TIMM50: variants seen among roughly 807,000 people sequenced by gnomAD.
The protein encoded by TIMM50 is translocase of inner mitochondrial membrane 50, also known as mitochondrial import inner membrane translocase subunit TIM50.
Under a neutral mutation model 49.6 loss-of-function variants are expected in TIMM50, and 34 were observed. The observed-to-expected ratio is 0.69, with a 90% CI of 0.52 to 0.91. TIMM50 has a LOEUF of 0.91. Among genes scored for constraint, TIMM50 ranks in the 40% least tolerant of loss-of-function variants. The probability of loss-of-function intolerance (pLI) is 0.00; values close to 1 mark genes in which losing one functional copy is unlikely to be tolerated. For synonymous variants in TIMM50, 199 were observed against 198.4 expected (o/e 1.00, Z -0.03); for missense variants, 458 against 477.8 (o/e 0.96, Z 0.39).
intron 1 of TIMM50, chr19:39,481,173 C>T (rs903345443): frequency 3.3e-6 from 2 of 610,696 alleles, no homozygotes; most frequent in African/African-American, 4.0e-5. Flanking sequence ...CACCTCCCAC[C>T]CACGTGGGTG....
chr19:39,482,552 C>T (rs1280564944), intron 2 of TIMM50, among the ~76,000 whole-genome samples: 5 of 151,400 alleles, frequency 3.3e-5, no homozygotes, highest in South Asian at 4.2e-4. Flanking sequence ...CTCAGCTACT[C>T]GGGAGGCTGA....
Position 39,489,837 on chromosome 19 carries a change from A to G in TIMM50, c.*17A>G, listed in dbSNP as rs1295151695. The G allele has an allele frequency of 1.3e-5, 20 of 1,591,338 alleles. No individual in the cohort carries two copies. Among genetic ancestry groups the G allele is most frequent in the Non-Finnish European group, 1.7e-5 (20 of 1,168,766 alleles). On this transcript the variant is annotated 3_prime_UTR_variant, in exon 11 of 11. Coordinates refer to ENST00000607714, the MANE Select transcript of TIMM50 (RefSeq NM_001001563.5). ...CAGCCCTGAACTCTGGGCCTCCTCA[A>G]ACTCAGTGCCTGGGTCCAGGGCCCC...
chr19:39,485,497 G>T, intron 4 of TIMM50, 47 bp from the exon 5 acceptor site: 1 of 1,613,024 alleles, frequency 6.2e-7, no homozygotes, highest in South Asian at 1.1e-5. Flanking sequence ...CTGGGAGGTT[G>T]AACAGCGGCT....
chr19:39,489,937 C>T lies in TIMM50; in HGVS notation c.*117C>T, dbSNP rs576957723. ...CCCAGACGCCACACCTGCTGTGTCC[C>T]GAGAGTCTCCAGATGGGGGCATCAG... On this transcript the variant is annotated 3_prime_UTR_variant, in exon 11 of 11. Coordinates refer to ENST00000607714, the MANE Select transcript of TIMM50 (RefSeq NM_001001563.5). 48 of 988,696 alleles carry T rather than the reference C, an allele frequency of 4.9e-5. No individual in the cohort carries two copies. In the South Asian group the frequency reaches 5.9e-4, roughly 12 times the overall value. The allele number at this position is 988,696 out of a possible 1,614,324, so 61.2% of individuals were successfully genotyped here.
rs749777105 is a variant in TIMM50, at chr19:39,488,045, T to G, written c.697-16T>G. 6.9e-6 allele frequency: 11 copies of G among 1,600,532 alleles called. No homozygotes were observed. The highest frequency in any genetic ancestry group is 9.4e-6 in the Non-Finnish European group (11 of 1,169,962). ...GTTGGGCACAGATGTTGACCTGATC[T>G]GTCACTCACTTCCAGGATATTTCAT... is the stretch of plus-strand genomic sequence containing the variant. On this transcript the variant is annotated splice_polypyrimidine_tract_variant and intron_variant, in intron 8 of 10. Coordinates refer to ENST00000607714, the MANE Select transcript of TIMM50 (RefSeq NM_001001563.5).
chr19:39,487,173 C>G (rs1205903259), intron 8 of TIMM50, among the ~76,000 whole-genome samples: 1 of 152,282 alleles, frequency 6.6e-6, no homozygotes, highest in South Asian at 2.1e-4. Flanking sequence ...ACGAGAGTGG[C>G]CACCTCCCTC....
At chr19:39,486,856 G>A (rs534366670) in intron 8 of TIMM50, among the ~76,000 whole-genome samples, 23 of 152,252 alleles carry the variant, frequency 1.5e-4, no homozygotes, top group Non-Finnish European at 2.1e-4. Context: ...TGTTTGACCC[G>A]GGCTCTGTTA....
rs2079551457 is a variant in TIMM50, at chr19:39,492,341, GTC to G, written c.*2524_*2525del. 6.7e-6 allele frequency: 1 copy of G among 150,080 alleles called. No individual in the cohort carries two copies. The highest frequency in any genetic ancestry group is 2.5e-5 in the African/African-American group (1 of 40,486). 9.3% of individuals were successfully genotyped at this position (150,080 alleles called of 1,614,324 possible). On this transcript the variant is annotated 3_prime_UTR_variant, in exon 11 of 11. Coordinates refer to ENST00000607714, the MANE Select transcript of TIMM50 (RefSeq NM_001001563.5). The stretch of plus-strand genomic sequence containing the variant: ...GCGGGGGGGGGAGAAGAAAGTTCTT[GTC>G]TCAGGCTAGCTTTGGGGACCAAATG...
rs976786841 is a variant in TIMM50, at chr19:39,493,241, A to C, written c.*3421A>C. On this transcript the variant is annotated 3_prime_UTR_variant, in exon 11 of 11. Transcript: ENST00000607714. ...TTGAGGAAGTCTGCAGGACTGAGGG[A>C]GGGGACCTGTGCTTTTTTTTTTGTT... is the stretch of plus-strand genomic sequence containing the variant. 2.6e-5 allele frequency: 4 copies of C among 151,676 alleles called. No homozygotes were observed. The East Asian group carries it at 7.7e-4, about 29-fold the overall frequency. The allele number at this position is 151,676 out of a possible 1,614,324, so 9.4% of individuals were successfully genotyped here.
chr19:39,492,886 A>AAAAAAAAC lies in TIMM50; in HGVS notation c.*3072_*3073insACAAAAAA, dbSNP rs1836623808. ...GCTCTGTCTCCAAAAAAAAAAAAAA[A>AAAAAAAAC]AAAAAACAAAAAAAAAACCAGTTTG... On this transcript the variant is annotated 3_prime_UTR_variant, in exon 11 of 11. Coordinates refer to ENST00000607714, the MANE Select transcript of TIMM50 (RefSeq NM_001001563.5). 1 of 142,006 alleles carries AAAAAAAAC rather than the reference A, an allele frequency of 7.0e-6. No individual in the cohort carries two copies. Among genetic ancestry groups the AAAAAAAAC allele is most frequent in the African/African-American group, 2.8e-5 (1 of 35,096 alleles). 8.8% of individuals were successfully genotyped at this position (142,006 alleles called of 1,614,324 possible).
rs1019386271 is a variant in TIMM50 at position 39,485,265 on chromosome 19, T to G, written c.314-279T>G. On this transcript the variant is annotated intron_variant, in intron 4 of 10. Transcript: ENST00000607714. The stretch of plus-strand genomic sequence containing the variant: ...GCGTGAGCCACCGTGCCCGGCCTTG[T>G]ATGTGGGTTTTAAGTGGGCCAATGT... 1.5e-5 allele frequency: 7 copies of G among 481,906 alleles called. No individual in the cohort carries two copies. In the Admixed American group the frequency reaches 2.3e-4, roughly 16 times the overall value. The allele number at this position is 481,906 out of a possible 1,614,324, so 29.9% of individuals were successfully genotyped here. A position where few individuals can be genotyped will look rare whatever the true frequency, so the allele number is the denominator to read the frequency against.
At chr19:39,486,059 C>A in intron 6 of TIMM50, 128 bp from the exon 7 acceptor site, 1 of 1,144,498 alleles carries the variant, frequency 8.7e-7, no homozygotes, top group Non-Finnish European at 1.3e-6. Context: ...ACTTCTTGAC[C>A]TCCAAGAGCC....
intron 2 of TIMM50, among the ~76,000 whole-genome samples, chr19:39,482,307 T>C (rs2079477699): frequency 6.6e-6 from 1 of 152,204 alleles, no homozygotes; most frequent in South Asian, 2.1e-4. Context: ...ATCAGCTTCC[T>C]AAACTTTGTC....
At chr19:39,483,246 C>A in intron 4 of TIMM50, 90 bp downstream of exon 4, 2 of 1,550,232 alleles carry the variant, frequency 1.3e-6, no homozygotes, top group South Asian at 1.1e-5. Flanking sequence ...GTGTCTCCGG[C>A]CCCTCCTCCT....
intron 9 of TIMM50, 121 bp from the exon 10 acceptor site, chr19:39,488,418 T>C: frequency 9.1e-7 from 1 of 1,099,056 alleles, no homozygotes; most frequent in Admixed American, 2.0e-5. Context: ...TTCAGAGCGT[T>C]CAGAAGCATT....
chr19:39,482,776 C>T, intron 2 of TIMM50, 109 bp from the exon 3 acceptor site: 2 of 1,466,648 alleles, frequency 1.4e-6, no homozygotes, highest in South Asian at 1.2e-5. Flanking sequence ...GGAGGCTGTG[C>T]CTCTCTCTTT....
chr19:39,485,412 T>G, intron 4 of TIMM50, 132 bp from the exon 5 acceptor site: 1 of 1,000,520 alleles, frequency 1.0e-6, no homozygotes, highest in South Asian at 1.4e-5. Context: ...TCTTTGGACC[T>G]AGAAATGAGT....
At chr19:39,488,036 G>A in intron 8 of TIMM50, 25 bp from the exon 9 acceptor site, 1 of 1,596,216 alleles carries the variant, frequency 6.3e-7, no homozygotes. Flanking sequence ...CACAGATGTT[G>A]ACCTGATCTG....
In TIMM50 at chr19:39,488,634, C is replaced by G; in HGVS notation, c.949C>G (p.Arg317Gly). 6.2e-7 allele frequency: 1 copy of G among 1,613,668 alleles called. No individual in the cohort carries two copies. The highest frequency in any genetic ancestry group is 1.1e-5 in the South Asian group (1 of 91,066). ...PLAAFKQRQS[R>G]LEQEEQQRLA... ...GGCGGCTTTCAAACAGCGGCAAAGC[C>G]GGCTAGAGCAGGTTGGTGCTCAGAT... is the stretch of plus-strand genomic sequence containing the variant. Residue 317 changes from arginine (R) to glycine (G), a missense_variant, in exon 10 of 11, where the codon CGG becomes GGG. By Grantham distance (125) the Arg-to-Gly change is moderately radical (BLOSUM62 -2). Transcript: ENST00000607714.
Sources: allele counts gnomAD v4.1 joint callset (sites outside exome capture counted in the v4.1 genomes callset), GRCh38; gene constraint gnomAD v4.1.1; transcripts MANE v1.5; gene names NCBI Gene and HGNC (gene_info 2026-07-23, HGNC 2026-07-21).